Variants in DSCAM observed in about 807,000 individuals in gnomAD.
DSCAM encodes the protein DS cell adhesion molecule, also known as cell adhesion molecule DSCAM.
DSCAM carries 47 observed loss-of-function variants against 217.7 expected under a neutral mutation model. That is an observed-to-expected ratio of 0.22 (90% CI 0.17 to 0.28). DSCAM has a LOEUF of 0.28. DSCAM is among the 10% of genes least tolerant of loss of function. DSCAM has a pLI of 1.00. For missense variants in DSCAM, 2,080 were observed against 2,618.3 expected, an observed-to-expected ratio of 0.79 and a Z score of 4.49; for synonymous variants, 1,056 against 1,015.3, an observed-to-expected ratio of 1.04 and a Z score of -0.76.
chr21:40,807,573 T>C (rs1554943), intron 1 of DSCAM, among the ~76,000 whole-genome samples: 66,866 of 152,136 alleles, frequency 0.44, 17,229 homozygotes, highest in African/African-American at 0.72. Context: ...GCAATACTCC[T>C]AGTTCTTCAC....
chr21:40,832,854 C>T (rs1227241957), intron 1 of DSCAM, among the ~76,000 whole-genome samples: 1 of 152,184 alleles, frequency 6.6e-6, no homozygotes, highest in Non-Finnish European at 1.5e-5. Context: ...ATTTTCTACT[C>T]ACATTCTTTC....
intron 11 of DSCAM, among the ~76,000 whole-genome samples, chr21:40,231,658 A>G (rs2091383610): frequency 6.6e-6 from 1 of 151,582 alleles, no homozygotes; most frequent in Non-Finnish European, 1.5e-5. Context: ...GCACACGACC[A>G]TGCCCAGCTG....
At chr21:40,264,648 C>T (rs1347620691) in intron 11 of DSCAM, among the ~76,000 whole-genome samples, 1 of 152,128 alleles carries the variant, frequency 6.6e-6, no homozygotes, top group Non-Finnish European at 1.5e-5. Flanking sequence ...TGAAGCAAGA[C>T]AACGATGCCC....
At chr21:40,250,882 T>C (rs923319787) in intron 11 of DSCAM, among the ~76,000 whole-genome samples, 1 of 152,226 alleles carries the variant, frequency 6.6e-6, no homozygotes, top group Non-Finnish European at 1.5e-5. Context: ...GGTGCACATG[T>C]TACCTGCATC....
intron 6 of DSCAM, among the ~76,000 whole-genome samples, chr21:40,342,380 G>A (rs2074502134): frequency 6.6e-6 from 1 of 151,562 alleles, no homozygotes. Context: ...GACATTTAAT[G>A]CTTTCTGTGT....
chr21:40,569,579 C>G (rs933020494), intron 3 of DSCAM, among the ~76,000 whole-genome samples: 2 of 152,122 alleles, frequency 1.3e-5, no homozygotes, highest in Non-Finnish European at 2.9e-5. Context: ...CTCTCAGCCC[C>G]GCCCCATAGT....
chr21:40,227,167 T>C (rs951599652), intron 11 of DSCAM, among the ~76,000 whole-genome samples: 1 of 152,082 alleles, frequency 6.6e-6, no homozygotes, highest in African/African-American at 2.4e-5. Flanking sequence ...GAAAAAAAAA[T>C]CATTTAAGGA....
chr21:40,159,837 C>T (rs1399955085), intron 16 of DSCAM, among the ~76,000 whole-genome samples: 2 of 152,236 alleles, frequency 1.3e-5, no homozygotes, highest in Admixed American at 6.5e-5. Context: ...CCCGCCTTGG[C>T]TTCCCAAAAT....
At chr21:40,823,140 A>G (rs1356884917) in intron 1 of DSCAM, among the ~76,000 whole-genome samples, 1 of 151,804 alleles carries the variant, frequency 6.6e-6, no homozygotes, top group South Asian at 2.1e-4. Flanking sequence ...ACAAAGCGAG[A>G]CACCAGCCCC....
At chr21:40,084,387 C>A (rs1045533863) in intron 23 of DSCAM, among the ~76,000 whole-genome samples, 1 of 152,102 alleles carries the variant, frequency 6.6e-6, no homozygotes, top group Non-Finnish European at 1.5e-5. Context: ...AGATAAATGG[C>A]ATCCACTTAG....
At chr21:40,570,456 C>T (rs1390809313) in intron 3 of DSCAM, among the ~76,000 whole-genome samples, 4 of 152,232 alleles carry the variant, frequency 2.6e-5, no homozygotes, top group African/African-American at 4.8e-5. Flanking sequence ...GTAAACATTC[C>T]TTACTTCAAT....
At chr21:40,728,579 C>A (rs527451126) in intron 1 of DSCAM, among the ~76,000 whole-genome samples, 3 of 151,964 alleles carry the variant, frequency 2.0e-5, no homozygotes, top group Admixed American at 1.3e-4. Flanking sequence ...CAACCACGCC[C>A]GGCTAATTTT....
chr21:40,426,870 G>T (rs2075479956), intron 3 of DSCAM, among the ~76,000 whole-genome samples: 1 of 151,988 alleles, frequency 6.6e-6, no homozygotes, highest in African/African-American at 2.4e-5. Flanking sequence ...CGTCATCTTG[G>T]CTCACATTTG....
rs1242776873 is a variant in DSCAM, at chr21:40,011,080, G to A, written c.*1954C>T. ...ACTTCTATGTTTGGGGGATATAGAA[G>A]TTTTAGGTTGATGAAAGATAGACTT... On this transcript the variant is annotated 3_prime_UTR_variant, in exon 33 of 33. Transcript: ENST00000400454. The A allele has an allele frequency of 6.6e-6, 1 of 152,068 alleles. No individual in the cohort carries two copies. The highest frequency in any genetic ancestry group is 2.4e-5 in the African/African-American group (1 of 41,392). The allele number at this position is 152,068 out of a possible 1,614,324, so 9.4% of individuals were successfully genotyped here. A position where few individuals can be genotyped will look rare whatever the true frequency, so the allele number is the denominator to read the frequency against.
At chr21:40,595,918 G>A (rs1239407543) in intron 3 of DSCAM, among the ~76,000 whole-genome samples, 1 of 152,204 alleles carries the variant, frequency 6.6e-6, no homozygotes, top group East Asian at 1.9e-4. Flanking sequence ...CATCCCTGTT[G>A]GTAATGGGAT....
chr21:40,647,825 C>A (rs1272088722), intron 3 of DSCAM, among the ~76,000 whole-genome samples: 1 of 152,176 alleles, frequency 6.6e-6, no homozygotes, highest in Non-Finnish European at 1.5e-5. Flanking sequence ...TGCCTCACAT[C>A]TGCATGAAAA....
chr21:40,099,907 GAC>G (rs749873205), intron 20 of DSCAM, among the ~76,000 whole-genome samples: 2 of 152,174 alleles, frequency 1.3e-5, no homozygotes, highest in Non-Finnish European at 2.9e-5. Context: ...GAGTCTGAAG[GAC>G]ACAGAGCTTG....
At chr21:40,062,926 C>T in intron 27 of DSCAM, 27 bp from the exon 28 acceptor site, 2 of 1,585,750 alleles carry the variant, frequency 1.3e-6, no homozygotes, top group Admixed American at 3.7e-5. Flanking sequence ...AACATTAGTA[C>T]ATGGTAAATA....
chr21:40,106,331 CTA>C (rs1468450797), intron 20 of DSCAM, among the ~76,000 whole-genome samples: 1 of 152,182 alleles, frequency 6.6e-6, no homozygotes, highest in Non-Finnish European at 1.5e-5. Context: ...CACAGCCAAA[CTA>C]TATCAATAAG....
Sources: gnomAD v4.1 joint callset for allele counts (sites outside exome capture counted in the v4.1 genomes callset) on GRCh38, gnomAD v4.1.1 for gene constraint, MANE v1.5 for transcripts, NCBI Gene and HGNC (gene_info 2026-07-23, HGNC 2026-07-21) for gene names.